Variants in TNFSF4 observed in about 807,000 individuals in gnomAD.
The protein encoded by TNFSF4 is TNF superfamily member 4.
TNFSF4 carries 4 observed loss-of-function variants against 7.3 expected under a neutral mutation model. The observed-to-expected ratio is 0.55, with a 90% CI of 0.27 to 1.25. TNFSF4 has a LOEUF of 1.25. TNFSF4 is among the 50% of genes most tolerant of loss of function. The probability of loss-of-function intolerance (pLI) is 0.12; values close to 1 mark genes in which losing one functional copy is unlikely to be tolerated. For synonymous variants in TNFSF4, 76 were observed against 83.7 expected, an observed-to-expected ratio of 0.91 and a Z score of 0.50; for missense variants, 181 against 208.8, an observed-to-expected ratio of 0.87 and a Z score of 0.82.
the TNFSF4 span, among the ~76,000 whole-genome samples, chr1:173,295,173 C>T: frequency 6.6e-6 from 1 of 151,944 alleles, no homozygotes; most frequent in South Asian, 2.1e-4. Context: ...TTTTAAAATA[C>T]TTGGACCATT....
At chr1:173,424,821 G>A in the TNFSF4 span, among the ~76,000 whole-genome samples, 131 of 152,304 alleles carry the variant, frequency 8.6e-4, no homozygotes, top group East Asian at 0.014. Flanking sequence ...TTCCAATTCT[G>A]CCACTTACTG....
the TNFSF4 span, among the ~76,000 whole-genome samples, chr1:173,299,669 T>A: frequency 6.6e-6 from 1 of 152,080 alleles, no homozygotes; most frequent in East Asian, 1.9e-4. Context: ...AATTAAGGCT[T>A]TATATGGCTT....
intron 1 of TNFSF4, among the ~76,000 whole-genome samples, chr1:173,205,929 T>G (rs1650167359): frequency 6.6e-6 from 1 of 152,236 alleles, no homozygotes; most frequent in Non-Finnish European, 1.5e-5. Context: ...ACACAAGCAC[T>G]GTCTGTGGTA....
the TNFSF4 span, among the ~76,000 whole-genome samples, chr1:173,354,719 T>C: frequency 1.3e-5 from 2 of 152,084 alleles, no homozygotes; most frequent in African/African-American, 4.8e-5. Flanking sequence ...GTTACTGAAA[T>C]GCAAAAAATA....
At chr1:173,325,912 T>C in the TNFSF4 span, among the ~76,000 whole-genome samples, 6,734 of 152,250 alleles carry the variant, frequency 0.044, 454 homozygotes, top group African/African-American at 0.15. Context: ...ACCAGATGGA[T>C]TCACAGCCGA....
At chr1:173,202,846 C>A (rs770034218) in intron 1 of TNFSF4, among the ~76,000 whole-genome samples, 2 of 152,108 alleles carry the variant, frequency 1.3e-5, no homozygotes, top group South Asian at 2.1e-4. Context: ...CCCTACCCAC[C>A]AATTCCCATC....
chr1:173,366,338 G>C, the TNFSF4 span, among the ~76,000 whole-genome samples: 4 of 152,140 alleles, frequency 2.6e-5, no homozygotes, highest in Non-Finnish European at 4.4e-5. Flanking sequence ...CAACAACATA[G>C]ACGGAAGTGA....
the TNFSF4 span, among the ~76,000 whole-genome samples, chr1:173,216,019 A>T: frequency 4.7e-4 from 71 of 152,338 alleles, 1 homozygote; most frequent in South Asian, 0.014. Context: ...TTTTAAAAAG[A>T]TTTGCATCCA....
At chr1:173,402,643 C>G in the TNFSF4 span, among the ~76,000 whole-genome samples, 3 of 152,186 alleles carry the variant, frequency 2.0e-5, no homozygotes. Context: ...GCTTCAAGGT[C>G]ATCACCATGT....
chr1:173,247,709 A>T, the TNFSF4 span, among the ~76,000 whole-genome samples: 1 of 152,196 alleles, frequency 6.6e-6, no homozygotes, highest in Non-Finnish European at 1.5e-5. Context: ...GTCTTCAGTG[A>T]TGTAGGAAAG....
At chr1:173,402,522 C>T in the TNFSF4 span, among the ~76,000 whole-genome samples, 2 of 152,192 alleles carry the variant, frequency 1.3e-5, no homozygotes, top group East Asian at 1.9e-4. Context: ...CTGGGCCATG[C>T]TCTGCACTGA....
At chr1:173,218,603 T>TA in the TNFSF4 span, among the ~76,000 whole-genome samples, 16 of 149,974 alleles carry the variant, frequency 1.1e-4, no homozygotes, top group East Asian at 2.0e-4. Flanking sequence ...CCCTAAAATT[T>TA]AAAAAAAAAA....
At chr1:173,244,668 A>T in the TNFSF4 span, among the ~76,000 whole-genome samples, 3 of 143,308 alleles carry the variant, frequency 2.1e-5, no homozygotes, top group East Asian at 6.0e-4. Context: ...CAAAAAAAAC[A>T]AAAAAAAAAC....
the TNFSF4 span, among the ~76,000 whole-genome samples, chr1:173,286,084 CAA>C: frequency 6.6e-6 from 1 of 152,060 alleles, no homozygotes; most frequent in African/African-American, 2.4e-5. Flanking sequence ...CAGAAAATAA[CAA>C]GAGAATTAAA....
At chr1:173,259,221 C>T in the TNFSF4 span, among the ~76,000 whole-genome samples, 1 of 152,154 alleles carries the variant, frequency 6.6e-6, no homozygotes, top group African/African-American at 2.4e-5. Flanking sequence ...TGAATAGGGT[C>T]TGGAGTGGAC....
At chr1:173,287,154 C>T in the TNFSF4 span, among the ~76,000 whole-genome samples, 1 of 151,842 alleles carries the variant, frequency 6.6e-6, no homozygotes, top group Non-Finnish European at 1.5e-5. Flanking sequence ...CCGATGCCCC[C>T]TGATGTCTCC....
chr1:173,383,628 C>T, the TNFSF4 span, among the ~76,000 whole-genome samples: 1 of 152,084 alleles, frequency 6.6e-6, no homozygotes, highest in Admixed American at 6.6e-5. Flanking sequence ...GAACAATGCT[C>T]TGAATAAGAA....
rs45448691 is a variant in TNFSF4, at chr1:173,186,183, T to A, written c.*333A>T. On this transcript the variant is annotated 3_prime_UTR_variant, in exon 3 of 3. Transcript: ENST00000281834. The stretch of plus-strand genomic sequence containing the variant: ...CGTTTTCAATGACATAAGTTTATTA[T>A]GACAATTGCCTGACCAATAGAAACA... 105 of 214,590 alleles carry A rather than the reference T, an allele frequency of 4.9e-4. 2 individuals are homozygous for A. The East Asian group carries it at 0.011, about 22-fold the overall frequency. The allele number at this position is 214,590 out of a possible 1,614,324, so 13.3% of individuals were successfully genotyped here.
chr1:173,324,868 T>C, the TNFSF4 span, among the ~76,000 whole-genome samples: 1 of 152,082 alleles, frequency 6.6e-6, no homozygotes, highest in African/African-American at 2.4e-5. Flanking sequence ...ATAAAGCAAG[T>C]CCTTAGTGAC....
Sources: allele counts gnomAD v4.1 joint callset (sites outside exome capture counted in the v4.1 genomes callset), GRCh38; gene constraint gnomAD v4.1.1; transcripts MANE v1.5; gene names NCBI Gene and HGNC (gene_info 2026-07-23, HGNC 2026-07-21).